ZNF200: variants seen among roughly 807,000 people sequenced by gnomAD.
ZNF200 encodes the protein zinc finger protein 200.
ZNF200 carries 35 observed loss-of-function variants against 33.6 expected under a neutral mutation model. That is an observed-to-expected ratio of 1.04 (90% CI 0.80 to 1.38). The LOEUF (loss-of-function observed/expected upper bound fraction) is 1.38. Ranked by LOEUF, ZNF200 falls within the 40% of genes most tolerant of loss-of-function variation. The pLI is 0.00. For missense variants in ZNF200, 592 were observed against 470.6 expected (o/e 1.26, Z -2.39); for synonymous variants, 209 against 167.7 (o/e 1.25, Z -1.90).
intron 4 of ZNF200, among the ~76,000 whole-genome samples, chr16:3,232,132 G>A (rs1958650520): frequency 6.6e-6 from 1 of 152,158 alleles, no homozygotes. Flanking sequence ...GTTGAGAACA[G>A]AGTTCAGAAA....
intron 4 of ZNF200, 44 bp from the exon 5 acceptor site, chr16:3,224,657 A>C (rs1275399775): frequency 3.9e-6 from 6 of 1,526,036 alleles, no homozygotes; most frequent in Admixed American, 2.1e-5. Flanking sequence ...AGATATCACA[A>C]CACCAGGCAG....
rs1188370847 is a variant in ZNF200, at chr16:3,223,556, CAA to C, written c.*334_*335del. On this transcript the variant is annotated 3_prime_UTR_variant, in exon 5 of 5. Coordinates refer to ENST00000414144, the MANE Select transcript of ZNF200 (RefSeq NM_198088.3). ...AAAACGGATATACTTTCAATAGACACAAGTCACTCTTTGCCTTCCAAGTAAGC... is the reference window on the plus strand; with the variant it reads ...AAAACGGATATACTTTCAATAGACACGTCACTCTTTGCCTTCCAAGTAAGC... 1 of 207,962 alleles carries C rather than the reference CAA, an allele frequency of 4.8e-6. No individual in the cohort carries two copies. The highest frequency in any genetic ancestry group is 2.3e-5 in the African/African-American group (1 of 43,242). 12.9% of individuals were successfully genotyped at this position (207,962 alleles called of 1,614,324 possible).
At chr16:3,234,390 A>T (rs926868920) in intron 1 of ZNF200, among the ~76,000 whole-genome samples, 7 of 152,046 alleles carry the variant, frequency 4.6e-5, no homozygotes, top group Non-Finnish European at 8.8e-5. Flanking sequence ...ACAAAGCAAG[A>T]CCCTGACTCT....
chr16:3,226,786 T>C (rs760953083), intron 4 of ZNF200: 4 of 152,212 alleles, frequency 2.6e-5, no homozygotes, highest in Non-Finnish European at 5.9e-5. Flanking sequence ...ATTGAACTCC[T>C]GGAACAAAGG....
rs1183756819 is a variant in ZNF200 at position 3,222,552 on chromosome 16, G to C, written c.*1340C>G. The C allele has an allele frequency of 3.9e-5, 6 of 152,226 alleles. 1 individual carries two copies. Among genetic ancestry groups the C allele is most frequent in the African/African-American group, 1.2e-4 (5 of 41,538 alleles). The allele number at this position is 152,226 out of a possible 1,614,324, so 9.4% of individuals were successfully genotyped here. A position where few individuals can be genotyped will look rare whatever the true frequency, so the allele number is the denominator to read the frequency against. ...GAAGAAAATTAGAAAAATTTTCACAGGAATATAATACTCTAATAAATAGAA... is the reference window on the plus strand; with the variant it reads ...GAAGAAAATTAGAAAAATTTTCACACGAATATAATACTCTAATAAATAGAA... On this transcript the variant is annotated 3_prime_UTR_variant, in exon 5 of 5. Transcript: ENST00000414144.
rs549773279 is a variant in ZNF200 at position 3,233,682 on chromosome 16, G to C, written c.74C>G (p.Ser25Cys). The C allele has an allele frequency of 1.2e-6, 2 of 1,613,812 alleles. No individual in the cohort carries two copies. The highest frequency in any genetic ancestry group is 3.3e-5 in the Admixed American group (2 of 60,018). ...QSFILRVPPDSKLGQDLLRDA... is the reference protein window; with the variant it reads ...QSFILRVPPDCKLGQDLLRDA... ...TCGAAGTAGGTCTTGGCCCAGCTTGGAGTCTGGCGGAACTCTCAGTATAAA... is the reference window on the plus strand; with the variant it reads ...TCGAAGTAGGTCTTGGCCCAGCTTGCAGTCTGGCGGAACTCTCAGTATAAA... The change falls in exon 2 of 5, where the codon TCC becomes TGC. Residue 25 changes from serine to cysteine, a missense_variant. Coordinates refer to ENST00000414144, the MANE Select transcript of ZNF200 (RefSeq NM_198088.3).
intron 4 of ZNF200, among the ~76,000 whole-genome samples, chr16:3,231,013 G>C (rs1326666789): frequency 1.3e-5 from 2 of 152,180 alleles, no homozygotes; most frequent in East Asian, 3.8e-4. Flanking sequence ...GTAACCTGAT[G>C]AATACAATTC....
In ZNF200 at chr16:3,224,286, G is replaced by T. The variant is rs117151961; in HGVS notation, c.794C>A (p.Ser265Tyr). 0.01 allele frequency: 16,479 copies of T among 1,614,074 alleles called. 194 individuals carry two copies. Among genetic ancestry groups the T allele is most frequent in the South Asian group, 0.046 (4,150 of 91,070 alleles). ...GGTCCTCTGGTGGGAAATGAGGTAA[G>T]AACTTTCATTAAACTGTTTCCCACA... ...PLCGKQFNES[S>Y]YLISHQRTHT... The change falls in exon 5 of 5, where the codon TCT becomes TAT. Residue 265 changes from serine (S) to tyrosine (Y), a missense_variant. By Grantham distance (144) the Ser-to-Tyr change is moderately radical (BLOSUM62 -2). Transcript: ENST00000414144.
At chr16:3,230,936 G>A (rs1181293725) in intron 4 of ZNF200, among the ~76,000 whole-genome samples, 1 of 152,126 alleles carries the variant, frequency 6.6e-6, no homozygotes, top group Admixed American at 6.6e-5. Context: ...ACTGCTTATC[G>A]TTTGATGAAT....
chr16:3,231,174 G>A (rs994988096), intron 4 of ZNF200, among the ~76,000 whole-genome samples: 2 of 152,116 alleles, frequency 1.3e-5, no homozygotes, highest in East Asian at 1.9e-4. Flanking sequence ...GTGCATAGTC[G>A]AAGTGATCTT....
chr16:3,228,249 C>G (rs1958526457), intron 4 of ZNF200, among the ~76,000 whole-genome samples: 1 of 152,140 alleles, frequency 6.6e-6, no homozygotes, highest in African/African-American at 2.4e-5. Flanking sequence ...TTATTTCCCA[C>G]TACCTTAGTG....
Position 3,222,491 on chromosome 16 carries a change from G to GA in ZNF200, c.*1400dup, listed in dbSNP as rs1245423774. ...AATAATCAACTATAAAAATATAATG[G>GA]AAAAAACTACAATAACAAAATTGTG... On this transcript the variant is annotated 3_prime_UTR_variant, in exon 5 of 5. Transcript: ENST00000414144. 1.3e-5 allele frequency: 2 copies of GA among 152,052 alleles called. No homozygotes were observed. The highest frequency in any genetic ancestry group is 2.9e-5 in the Non-Finnish European group (2 of 67,974). The allele number at this position is 152,052 out of a possible 1,614,324, so 9.4% of individuals were successfully genotyped here. A position where few individuals can be genotyped will look rare whatever the true frequency, so the allele number is the denominator to read the frequency against.
chr16:3,233,857 G>A lies in ZNF200; in HGVS notation c.-81-21C>T, dbSNP rs1958716521. 5.4e-6 allele frequency: 8 copies of A among 1,491,808 alleles called. No homozygotes were observed. In the South Asian group the frequency reaches 6.8e-5, roughly 13 times the overall value. The allele number at this position is 1,491,808 out of a possible 1,614,324, so 92.4% of individuals were successfully genotyped here. A position where few individuals can be genotyped will look rare whatever the true frequency, so the allele number is the denominator to read the frequency against. ...CCAAGCTGTAGACAGAGAAACCAGGGATTACCCAAAAGACCAGGCACGGCA... is the reference window on the plus strand; with the variant it reads ...CCAAGCTGTAGACAGAGAAACCAGGAATTACCCAAAAGACCAGGCACGGCA... On this transcript the variant is annotated intron_variant, in intron 1 of 4. Transcript: ENST00000414144.
At chr16:3,234,351 G>C (rs1958737044) in intron 1 of ZNF200, among the ~76,000 whole-genome samples, 1 of 152,034 alleles carries the variant, frequency 6.6e-6, no homozygotes, top group Admixed American at 6.6e-5. Flanking sequence ...AGTGAACTGT[G>C]ATCGCGCCAC....
Position 3,232,884 on chromosome 16 carries a change from T to C in ZNF200, c.288A>G (p.Gly96=), listed in dbSNP as rs1346867096. Residue 96 remains glycine (G), a synonymous_variant, in exon 3 of 5, where the codon GGA becomes GGG. Coordinates refer to ENST00000414144, the MANE Select transcript of ZNF200 (RefSeq NM_198088.3). ...ACACTGTCTCTTGTTCCTTTTGGACTCCTTTGGGCAGAAGCTTCACCAAGG... is the reference window on the plus strand; with the variant it reads ...ACACTGTCTCTTGTTCCTTTTGGACCCCTTTGGGCAGAAGCTTCACCAAGG... ...PRPLVKLLPK[G]VQKEQETVSL... 1.2e-6 allele frequency: 2 copies of C among 1,613,744 alleles called. No individual in the cohort carries two copies. The highest frequency in any genetic ancestry group is 8.5e-7 in the Non-Finnish European group (1 of 1,179,870).
chr16:3,231,936 A>G (rs943421011), intron 4 of ZNF200, among the ~76,000 whole-genome samples: 1 of 152,244 alleles, frequency 6.6e-6, no homozygotes, highest in African/African-American at 2.4e-5. Flanking sequence ...ACACATGAAA[A>G]GCATTTGGAC....
At chr16:3,234,463 TAAAAGG>T (rs1958742853) in intron 1 of ZNF200, among the ~76,000 whole-genome samples, 1 of 150,038 alleles carries the variant, frequency 6.7e-6, no homozygotes, top group African/African-American at 2.5e-5. Context: ...AGAAAGAAAA[TAAAAGG>T]AAAAAGAAAG....
Position 3,223,917 on chromosome 16 carries a change from G to T in ZNF200, c.1163C>A (p.Ala388Asp). The T allele has an allele frequency of 6.2e-7, 1 of 1,613,600 alleles. No homozygotes were observed. Among genetic ancestry groups the T allele is most frequent in the South Asian group, 1.1e-5 (1 of 91,016 alleles). ...TTACTTCTGCTTTCGGGTCTTACAG[G>T]CTGAGTGGGTTTTCTCATGCCGGGT... ...NCTRHEKTHS[A>D]CKTRKQK Residue 388 changes from alanine (A) to aspartate (D), a missense_variant, in exon 5 of 5, where the codon GCC (alanine) becomes GAC (aspartate). By Grantham distance (126) the Ala-to-Asp change is moderately radical. Coordinates refer to ENST00000414144, the MANE Select transcript of ZNF200 (RefSeq NM_198088.3).
chr16:3,233,317 T>C (rs1958695362), intron 2 of ZNF200, among the ~76,000 whole-genome samples, 189 bp downstream of exon 2: 1 of 152,228 alleles, frequency 6.6e-6, no homozygotes, highest in Non-Finnish European at 1.5e-5. Context: ...TACAGAAAGA[T>C]GCACACTGTT....
Sources: gnomAD v4.1 joint callset for allele counts (sites outside exome capture counted in the v4.1 genomes callset) on GRCh38, gnomAD v4.1.1 for gene constraint, MANE v1.5 for transcripts, NCBI Gene and HGNC (gene_info 2026-07-23, HGNC 2026-07-21) for gene names.